The following TTC6 variants were observed in gnomAD, a reference collection of about 807,000 sequenced individuals.
TTC6 encodes the protein tetratricopeptide repeat protein 6.
In TTC6, 172 loss-of-function variants were observed where a neutral mutation model predicts 210.4. The observed-to-expected ratio is 0.82, with a 90% CI of 0.72 to 0.93. The LOEUF is 0.93. Among genes scored for constraint, TTC6 ranks in the 40% least tolerant of loss-of-function variants. The pLI is 0.00. For synonymous variants in TTC6, 804 were observed against 819.6 expected (o/e 0.98, Z 0.32); for missense variants, 2,414 against 2,318.1 (o/e 1.04, Z -0.85).
At chr14:37,634,145 A>G (rs541262615) in intron 1 of TTC6, among the ~76,000 whole-genome samples, 2 of 152,366 alleles carry the variant, frequency 1.3e-5, no homozygotes, top group African/African-American at 4.8e-5. Flanking sequence ...AAGATGACAG[A>G]GATGTTGGAA....
At chr14:37,714,492 G>T (rs1472115672) in intron 5 of TTC6, among the ~76,000 whole-genome samples, 163 bp from the exon 8 acceptor site, 6 of 151,904 alleles carry the variant, frequency 3.9e-5, no homozygotes, top group African/African-American at 1.5e-4. Flanking sequence ...AGCATTTTTG[G>T]ATTATTTCTC....
intron 5 of TTC6, among the ~76,000 whole-genome samples, chr14:37,703,065 A>G (rs944047109): frequency 1.3e-5 from 2 of 152,098 alleles, no homozygotes; most frequent in Non-Finnish European, 2.9e-5. Flanking sequence ...GTTCAGCATG[A>G]CATTCTTTGG....
chr14:37,701,524 T>G (rs1489224911), exon 5 of TTC6: 1 of 1,439,242 alleles, frequency 6.9e-7, no homozygotes. Flanking sequence ...AACAAACAGA[T>G]AGGTAAGAGT....
In TTC6 at chr14:37,725,310, GTGTATATATATATATATATATATATA is replaced by G. The variant is rs1463208752; in HGVS notation, c.1818+310_1818+335del. On this transcript the variant is annotated intron_variant, in intron 7 of 30. Coordinates refer to ENST00000553443, the Ensembl canonical transcript of TTC6. ...TATATATGTATGTATGTGTGTGTGT[GTGTATATATATATATATATATATATA>G]TATATATATATATATATATATAATT... 2.7e-3 allele frequency among the ~76,000 whole-genome samples: 149 copies of G among 55,720 alleles called. 2 individuals carry two copies. The highest frequency in any genetic ancestry group is 8.6e-3 in the African/African-American group (134 of 15,660). The allele number at this position is 55,720 out of a possible 152,430, so 36.6% of individuals were successfully genotyped here.
intron 1 of TTC6, among the ~76,000 whole-genome samples, chr14:37,630,907 G>GGTTT (rs2095668280): frequency 3.0e-5 from 1 of 33,064 alleles, no homozygotes; most frequent in African/African-American, 1.4e-4. Context: ...GGCAACCCCT[G>GGTTT]TTTTTTTTTT....
chr14:37,653,716 G>C (rs2139432407), intron 1 of TTC6, among the ~76,000 whole-genome samples: 1 of 152,160 alleles, frequency 6.6e-6, no homozygotes, highest in East Asian at 1.9e-4. Context: ...GACTTGTTTT[G>C]CTTCTGGGCT....
intron 27 of TTC6, among the ~76,000 whole-genome samples, chr14:37,825,824 G>T (rs6571823): frequency 6.6e-6 from 1 of 151,978 alleles, no homozygotes; most frequent in Non-Finnish European, 1.5e-5. Flanking sequence ...GATTCAGTGC[G>T]AACCAAATAA....
chr14:37,686,523 A>T (rs2095794104), intron 3 of TTC6, among the ~76,000 whole-genome samples: 1 of 152,188 alleles, frequency 6.6e-6, no homozygotes. Flanking sequence ...AATGGTTTAG[A>T]TGATATATTA....
Position 37,808,796 on chromosome 14 carries a change from GC to G in TTC6, c.4520del (p.Ala1507AspfsTer12). The G allele has an allele frequency of 6.5e-7, 1 of 1,530,078 alleles. No individual in the cohort carries two copies. The highest frequency in any genetic ancestry group is 1.2e-5 in the South Asian group (1 of 80,106). The allele number at this position is 1,530,078 out of a possible 1,614,324, so 94.8% of individuals were successfully genotyped here. ...CAGCATGGACAAAAATAGTTATACA[GC>G]ATTTTATAACAGAGCATTATGTTAC... On this transcript the variant is annotated frameshift_variant, in exon 24 of 31. Coordinates refer to ENST00000553443, the Ensembl canonical transcript of TTC6. LOFTEE classifies it high-confidence loss of function.
intron 1 of TTC6, among the ~76,000 whole-genome samples, chr14:37,663,815 CA>C (rs1288079162): frequency 6.6e-6 from 1 of 152,116 alleles, no homozygotes; most frequent in Non-Finnish European, 1.5e-5. Context: ...TCTCAGGACA[CA>C]AAATCAGTGT....
At chr14:37,618,126 A>C (rs780851735), upstream of TTC6, among the ~76,000 whole-genome samples, 1 of 152,190 alleles carries the variant, frequency 6.6e-6, no homozygotes, top group Non-Finnish European at 1.5e-5. Flanking sequence ...GTCTAGAGCA[A>C]AGTTTTGGAT....
At chr14:37,768,446 T>C (rs1276476615) in intron 14 of TTC6, among the ~76,000 whole-genome samples, 2 of 152,292 alleles carry the variant, frequency 1.3e-5, no homozygotes, top group African/African-American at 4.8e-5. Context: ...TGGAATGTTC[T>C]TCCATTTGTT....
chr14:37,646,674 C>A (rs567346739), intron 1 of TTC6, among the ~76,000 whole-genome samples: 1 of 152,158 alleles, frequency 6.6e-6, no homozygotes, highest in East Asian at 1.9e-4. Context: ...ATTCCTTATT[C>A]CCAAATTTTA....
chr14:37,836,284 C>G (rs1424537215), intron 29 of TTC6, among the ~76,000 whole-genome samples: 1 of 152,190 alleles, frequency 6.6e-6, no homozygotes, highest in African/African-American at 2.4e-5. Flanking sequence ...GACAATTGCT[C>G]AAAGATCAAT....
intron 1 of TTC6, among the ~76,000 whole-genome samples, chr14:37,666,248 C>A (rs2095747748): frequency 6.7e-6 from 1 of 149,834 alleles, no homozygotes; most frequent in Middle Eastern, 3.4e-3. Context: ...CTGCAACATT[C>A]CCCATCGATC....
intron 25 of TTC6, among the ~76,000 whole-genome samples, chr14:37,815,561 T>G (rs2096139495): frequency 6.6e-6 from 1 of 152,088 alleles, no homozygotes; most frequent in Non-Finnish European, 1.5e-5. Context: ...GTGATTGAGA[T>G]GTAAGACTGA....
chr14:37,831,498 G>C (rs531835894), intron 29 of TTC6, among the ~76,000 whole-genome samples: 22 of 152,174 alleles, frequency 1.4e-4, no homozygotes, highest in Admixed American at 1.0e-3. Flanking sequence ...CCTTCATACA[G>C]TTTTCCATAG....
chr14:37,780,931 A>C (rs2096052980), intron 14 of TTC6, among the ~76,000 whole-genome samples: 1 of 152,148 alleles, frequency 6.6e-6, no homozygotes, highest in African/African-American at 2.4e-5. Context: ...TTCCAGCTTC[A>C]TCCATGTCCC....
At chr14:37,796,859 A>G (rs1245267119) in exon 20 of TTC6, 1 of 1,611,496 alleles carries the variant, frequency 6.2e-7, no homozygotes, top group East Asian at 2.2e-5. Flanking sequence ...AAGGCCATTG[A>G]GGTCTTGGAC....
Sources: gnomAD v4.1 joint callset for allele counts (sites outside exome capture counted in the v4.1 genomes callset) on GRCh38, gnomAD v4.1.1 for gene constraint, MANE v1.5 for transcripts, NCBI Gene and HGNC (gene_info 2026-07-23, HGNC 2026-07-21) for gene names.